Variants in TESK2 observed in about 807,000 individuals in gnomAD.
TESK2 encodes dual specificity testis-specific protein kinase 2.
TESK2 carries 39 observed loss-of-function variants against 57.1 expected under a neutral mutation model. The ratio of observed to expected loss-of-function variants is 0.68; its 90% CI spans 0.53 to 0.89. The LOEUF (loss-of-function observed/expected upper bound fraction) is 0.89, where lower values mean the gene tolerates loss of function less well. Ranked by LOEUF, TESK2 falls within the 40% of genes least tolerant of loss-of-function variation. The pLI is 0.00. For synonymous variants in TESK2, 249 were observed against 267.9 expected (o/e 0.93, Z 0.69); for missense variants, 646 against 732.1 (o/e 0.88, Z 1.36).
At chr1:45,452,355 A>ATACTTTCTTATT (rs1216473248) in intron 2 of TESK2, among the ~76,000 whole-genome samples, 1 of 152,178 alleles carries the variant, frequency 6.6e-6, no homozygotes, top group Non-Finnish European at 1.5e-5. Flanking sequence ...AAGTATCTAG[A>ATACTTTCTTATT]AGCCAAATTA....
chr1:45,424,139 C>A (rs1650591779), intron 2 of TESK2, among the ~76,000 whole-genome samples: 1 of 152,122 alleles, frequency 6.6e-6, no homozygotes, highest in Admixed American at 6.6e-5. Flanking sequence ...CTATACTCAA[C>A]CAAATGGGAA....
chr1:45,431,671 C>T (rs1650972782), intron 2 of TESK2, among the ~76,000 whole-genome samples: 1 of 152,132 alleles, frequency 6.6e-6, no homozygotes, highest in African/African-American at 2.4e-5. Flanking sequence ...CTTTTACTGG[C>T]CACCAGTAAA....
intron 1 of TESK2, among the ~76,000 whole-genome samples, chr1:45,461,460 G>A (rs1277492618): frequency 1.3e-5 from 2 of 152,176 alleles, no homozygotes; most frequent in African/African-American, 4.8e-5. Flanking sequence ...TACAGAGCTA[G>A]TAGAACCAGA....
In TESK2 at chr1:45,344,842, A is replaced by AC; in HGVS notation, c.1713dup (p.Ter572ValfsTer27). ...GGTGAGGCAGGGACTAAACCCCCTC[A>AC]CCCATCCTGCTTTCCCTGGGTTTGC... On this transcript the variant is annotated frameshift_variant, in exon 11 of 11. Transcript: ENST00000372086. LOFTEE classifies it high-confidence loss of function. 4 of 1,611,438 alleles carry AC rather than the reference A, an allele frequency of 2.5e-6. No homozygotes were observed. The highest frequency in any genetic ancestry group is 3.4e-6 in the Non-Finnish European group (4 of 1,179,432).
intron 9 of TESK2, 31 bp downstream of exon 9, chr1:45,346,660 CCT>C (rs765100742): frequency 6.3e-7 from 1 of 1,586,020 alleles, no homozygotes; most frequent in Non-Finnish European, 8.6e-7. Flanking sequence ...TCAGCCAGCC[CCT>C]GATGAAAGGC....
chr1:45,419,837 T>C (rs1279437475), intron 3 of TESK2, among the ~76,000 whole-genome samples: 1 of 152,122 alleles, frequency 6.6e-6, no homozygotes, highest in African/African-American at 2.4e-5. Flanking sequence ...ACTTATAAAT[T>C]TGAAAGAAAG....
intron 3 of TESK2, among the ~76,000 whole-genome samples, chr1:45,395,726 C>G (rs1649331156): frequency 6.6e-6 from 1 of 150,564 alleles, no homozygotes; most frequent in African/African-American, 2.4e-5. Context: ...TCTGCCTCAC[C>G]CTCCCAAATA....
rs1038580098 is a variant in TESK2, at chr1:45,457,734, G to A, written c.52C>T (p.Arg18Cys). The A allele has an allele frequency of 2.7e-5, 43 of 1,613,954 alleles. No homozygotes were observed. The highest frequency in any genetic ancestry group is 3.1e-5 in the Non-Finnish European group (37 of 1,179,994). The change falls in exon 2 of 11, where the codon CGT becomes TGT. Residue 18 changes from arginine (R) to cysteine (C), a missense_variant. Coordinates refer to ENST00000372086, the MANE Select transcript of TESK2 (RefSeq NM_007170.3). ...CCACCTCCTTCAAACTCTTCAAGAC[G>A]CTCCACACGTGGAGGAAATCCTGCA... The part of the protein sequence containing the change: ...SIAGFPPRVE[R>C]LEEFEGGGGG...
intron 3 of TESK2, among the ~76,000 whole-genome samples, chr1:45,391,819 T>G (rs554555025): frequency 8.5e-5 from 13 of 152,220 alleles, no homozygotes; most frequent in Non-Finnish European, 1.9e-4. Context: ...TGACTGCTAA[T>G]TAGCATTAAG....
chr1:45,398,065 A>T (rs1649438741), intron 3 of TESK2, among the ~76,000 whole-genome samples: 1 of 151,644 alleles, frequency 6.6e-6, no homozygotes. Context: ...GCACCATCTC[A>T]CCTGGCTAAT....
At chr1:45,356,685 T>C (rs1479640718) in intron 4 of TESK2, among the ~76,000 whole-genome samples, 1 of 151,438 alleles carries the variant, frequency 6.6e-6, no homozygotes. Context: ...GTACAGGTGC[T>C]TATTGGACAA....
rs533974945 is a variant in TESK2, at chr1:45,481,599, G to A, written c.-87+9253C>T. Among the ~76,000 whole-genome samples, 9 of 152,054 alleles carry A rather than the reference G, an allele frequency of 5.9e-5. No homozygotes were observed. In the South Asian group the frequency reaches 1.9e-3, roughly 32 times the overall value. ...TCCCACATCAGCCTCTGGAGTAGCTGAAACTACAGGCAAAGCTGTATTACA... is the reference window on the plus strand; with the variant it reads ...TCCCACATCAGCCTCTGGAGTAGCTAAAACTACAGGCAAAGCTGTATTACA... On this transcript the variant is annotated intron_variant, in intron 1 of 10. Coordinates refer to ENST00000372086, the MANE Select transcript of TESK2 (RefSeq NM_007170.3).
chr1:45,466,299 A>G (rs1464577275), intron 1 of TESK2, among the ~76,000 whole-genome samples: 1 of 152,082 alleles, frequency 6.6e-6, no homozygotes, highest in Non-Finnish European at 1.5e-5. Context: ...ACATGGTGAA[A>G]CCCTGTATCT....
chr1:45,385,342 G>C, intron 4 of TESK2: 3 of 985,222 alleles, frequency 3.0e-6, no homozygotes, highest in Non-Finnish European at 3.6e-6. Flanking sequence ...GATGAATAAT[G>C]ACTATCACAT....
intron 1 of TESK2, among the ~76,000 whole-genome samples, chr1:45,476,358 A>C (rs1369381927): frequency 6.6e-6 from 1 of 152,110 alleles, no homozygotes; most frequent in Non-Finnish European, 1.5e-5. Context: ...AAATACAAAA[A>C]TTGGCTAAGC....
In TESK2 at chr1:45,355,286, G is replaced by GAGTAA; in HGVS notation, c.540+12_540+16dup. 2 of 1,613,172 alleles carry GAGTAA rather than the reference G, an allele frequency of 1.2e-6. No individual in the cohort carries two copies. The highest frequency in any genetic ancestry group is 1.7e-6 in the Non-Finnish European group (2 of 1,179,752). ...GGTGGTATCTCTCAATGAGTTGTGA[G>GAGTAA]AGTAAAGCCTTCATACCTTAGATGT... On this transcript the variant is annotated intron_variant, in intron 5 of 10. Transcript: ENST00000372086.
chr1:45,354,546 A>T (rs1647324345), intron 5 of TESK2, among the ~76,000 whole-genome samples: 1 of 151,798 alleles, frequency 6.6e-6, no homozygotes. Context: ...TAATTGCTTG[A>T]ACCCAGGAGG....
Position 45,345,270 on chromosome 1 carries a change from T to C in TESK2, c.1286A>G (p.Asp429Gly). 1 of 1,614,120 alleles carries C rather than the reference T, an allele frequency of 6.2e-7. No individual in the cohort carries two copies. Residue 429 changes from aspartate to glycine, a missense_variant, in exon 11 of 11, where the codon GAC (aspartate) becomes GGC (glycine). By Grantham distance (94) the Asp-to-Gly change is moderately conservative. Transcript: ENST00000372086. Reference sequence around the variant, plus strand: ...AGTTCCGGGCCCTGGTGCATCCAGGTCAAATACCAGAGAGATGACAGACTT... The same window carrying C: ...AGTTCCGGGCCCTGGTGCATCCAGGCCAAATACCAGAGAGATGACAGACTT... ...PSKSVISLVF[D>G]LDAPGPGTMP...
intron 4 of TESK2, among the ~76,000 whole-genome samples, chr1:45,357,618 G>A (rs1406449779): frequency 6.6e-6 from 1 of 151,826 alleles, no homozygotes; most frequent in African/African-American, 2.4e-5. Flanking sequence ...AGGCCAAGGT[G>A]GGAGGATCAC....
Sources: gnomAD v4.1 joint callset for allele counts (sites outside exome capture counted in the v4.1 genomes callset) on GRCh38, gnomAD v4.1.1 for gene constraint, MANE v1.5 for transcripts, NCBI Gene and HGNC (gene_info 2026-07-23, HGNC 2026-07-21) for gene names.